RBMS3: variants seen among roughly 807,000 people sequenced by gnomAD.
RBMS3 encodes the protein RNA binding motif single stranded interacting protein 3, also known as RNA-binding motif, single-stranded-interacting protein 3.
A neutral mutation model predicts 66.8 loss-of-function variants in RBMS3; 27 were observed. The ratio of observed to expected loss-of-function variants is 0.40; its 90% CI spans 0.30 to 0.56. The LOEUF is 0.56. Among genes scored for constraint, RBMS3 ranks in the 20% least tolerant of loss-of-function variants. RBMS3 has a pLI of 0.40. For missense variants in RBMS3, 513 were observed against 549.5 expected (o/e 0.93, Z 0.66); for synonymous variants, 188 against 183.0 (o/e 1.03, Z -0.22).
Position 30,006,846 on chromosome 3 carries a change from T to C in RBMS3, c.*2984T>C, listed in dbSNP as rs2125410772. The C allele has an allele frequency of 6.6e-6, 1 of 152,154 alleles. No individual in the cohort carries two copies. The highest frequency in any genetic ancestry group is 2.4e-5 in the African/African-American group (1 of 41,560). The allele number at this position is 152,154 out of a possible 1,614,324, so 9.4% of individuals were successfully genotyped here. On this transcript the variant is annotated 3_prime_UTR_variant, in exon 15 of 15. Coordinates refer to ENST00000383767, the MANE Select transcript of RBMS3 (RefSeq NM_001003793.3). The stretch of plus-strand genomic sequence containing the variant: ...TAATGAATGTGCCTAGGTAACTTCC[T>C]GTTTCTATTCAAAACTGCTGCTTTA...
chr3:29,384,372 A>G (rs1251077285), intron 1 of RBMS3, among the ~76,000 whole-genome samples: 2 of 151,842 alleles, frequency 1.3e-5, no homozygotes, highest in African/African-American at 4.8e-5. Flanking sequence ...GAATCTGAAC[A>G]TGAAGATGGA....
At chr3:29,794,620 CATGAT>C (rs1299771633) in intron 6 of RBMS3, among the ~76,000 whole-genome samples, 3 of 152,034 alleles carry the variant, frequency 2.0e-5, no homozygotes, top group African/African-American at 7.2e-5. Flanking sequence ...AACAAAAACA[CATGAT>C]ATGGGCCTTG....
In RBMS3 at chr3:29,389,066, T is replaced by G. The variant is rs548707054; in HGVS notation, c.76-45677T>G. The stretch of plus-strand genomic sequence containing the variant: ...AATCCTTTTGGAGAATTATCCTACC[T>G]TAGGAAAAATAGTGAAGACATAACA... On this transcript the variant is annotated intron_variant, in intron 1 of 14. Coordinates refer to ENST00000383767, the MANE Select transcript of RBMS3 (RefSeq NM_001003793.3). Among the ~76,000 whole-genome samples the G allele has an allele frequency of 1.1e-4, 16 of 152,270 alleles. No individual in the cohort carries two copies. The South Asian group carries it at 2.3e-3, about 22-fold the overall frequency.
intron 12 of RBMS3, among the ~76,000 whole-genome samples, chr3:29,965,180 A>G (rs1696744130): frequency 6.6e-6 from 1 of 152,090 alleles, no homozygotes; most frequent in East Asian, 1.9e-4. Context: ...GCTATAAACA[A>G]GCATATGCAA....
intron 1 of RBMS3, among the ~76,000 whole-genome samples, chr3:29,366,158 G>C (rs970950757): frequency 6.6e-6 from 1 of 152,070 alleles, no homozygotes; most frequent in Non-Finnish European, 1.5e-5. Context: ...ACTAAAGTCA[G>C]GTTTATTTTT....
At chr3:29,484,904 A>T (rs2043265346) in intron 2 of RBMS3, among the ~76,000 whole-genome samples, 1 of 152,220 alleles carries the variant, frequency 6.6e-6, no homozygotes, top group Non-Finnish European at 1.5e-5. Flanking sequence ...AGGCATGTGA[A>T]AAATGAGTTA....
At chr3:29,602,325 C>T (rs1559501879) in intron 4 of RBMS3, among the ~76,000 whole-genome samples, 1 of 151,974 alleles carries the variant, frequency 6.6e-6, no homozygotes, top group South Asian at 2.1e-4. Flanking sequence ...TCTTGGCAAT[C>T]AAGGCTCTCA....
Position 29,853,423 on chromosome 3 carries a change from C to CTTTTTTTTTTT in RBMS3, c.638-15423_638-15413dup, listed in dbSNP as rs71091081. Among the ~76,000 whole-genome samples, 176 of 84,532 alleles carry CTTTTTTTTTTT rather than the reference C, an allele frequency of 2.1e-3. 14 individuals are homozygous for CTTTTTTTTTTT. The highest frequency in any genetic ancestry group is 6.0e-3 in the African/African-American group (111 of 18,414). 55.5% of individuals were successfully genotyped at this position (84,532 alleles called of 152,430 possible). A position where few individuals can be genotyped will look rare whatever the true frequency, so the allele number is the denominator to read the frequency against. On this transcript the variant is annotated intron_variant, in intron 6 of 14. Coordinates refer to ENST00000383767, the MANE Select transcript of RBMS3 (RefSeq NM_001003793.3). ...TGTATCTTAAGCTACAATTTACTTT[C>CTTTTTTTTTTT]TTTTTTTTTTTTTTTTTTTTTTGCA...
At chr3:29,890,013 G>A (rs578120646) in intron 8 of RBMS3, among the ~76,000 whole-genome samples, 1 of 151,574 alleles carries the variant, frequency 6.6e-6, no homozygotes, top group African/African-American at 2.4e-5. Flanking sequence ...TGGAAGGCTT[G>A]GACTATGCAT....
intron 4 of RBMS3, among the ~76,000 whole-genome samples, chr3:29,708,198 C>A (rs114608072): frequency 0.02 from 3,059 of 152,252 alleles, 101 homozygotes; most frequent in African/African-American, 0.069. Context: ...TCCAAAGCAA[C>A]CTTGCTTTAG....
At chr3:29,609,880 CAG>C (rs1351470942) in intron 4 of RBMS3, among the ~76,000 whole-genome samples, 2 of 151,966 alleles carry the variant, frequency 1.3e-5, no homozygotes, top group African/African-American at 4.8e-5. Flanking sequence ...AAAAGGGAAA[CAG>C]ATTATTATTG....
intron 1 of RBMS3, among the ~76,000 whole-genome samples, chr3:29,393,724 AAGAG>A (rs1225601017): frequency 6.6e-6 from 1 of 152,140 alleles, no homozygotes; most frequent in African/African-American, 2.4e-5. Context: ...AAAGAGTACA[AAGAG>A]AGAAATTTTA....
At chr3:29,458,292 GC>G (rs879072831) in intron 2 of RBMS3, among the ~76,000 whole-genome samples, 1 of 152,118 alleles carries the variant, frequency 6.6e-6, no homozygotes, top group Admixed American at 6.5e-5. Context: ...TAGATATATA[GC>G]CAGAGATGCA....
intron 4 of RBMS3, among the ~76,000 whole-genome samples, chr3:29,636,042 G>A (rs1406253027): frequency 8.0e-6 from 1 of 124,654 alleles, no homozygotes; most frequent in Non-Finnish European, 1.7e-5. Context: ...TCAAGAATGT[G>A]TGTGTGTGTG....
intron 6 of RBMS3, among the ~76,000 whole-genome samples, chr3:29,774,174 G>A (rs1192118095): frequency 6.6e-6 from 1 of 151,896 alleles, no homozygotes; most frequent in Non-Finnish European, 1.5e-5. Context: ...ATAGATTGAG[G>A]GAGGTTTCAA....
chr3:29,375,497 A>G (rs2038418503), intron 1 of RBMS3, among the ~76,000 whole-genome samples: 1 of 152,222 alleles, frequency 6.6e-6, no homozygotes, highest in African/African-American at 2.4e-5. Context: ...GAACTTAAAC[A>G]AATTTCCAAG....
At chr3:29,399,655 G>C (rs1575711718) in intron 1 of RBMS3, among the ~76,000 whole-genome samples, 1 of 152,004 alleles carries the variant, frequency 6.6e-6, no homozygotes, top group Admixed American at 6.6e-5. Context: ...AAGCCAAAGG[G>C]GAACAAAAGC....
chr3:29,342,712 T>C (rs939133854), intron 1 of RBMS3, among the ~76,000 whole-genome samples: 2 of 152,144 alleles, frequency 1.3e-5, no homozygotes. Context: ...ATCAATTATA[T>C]AGTCAGGTAA....
At chr3:29,745,289 A>T (rs999711702) in intron 5 of RBMS3, among the ~76,000 whole-genome samples, 43 of 151,970 alleles carry the variant, frequency 2.8e-4, no homozygotes, top group African/African-American at 9.4e-4. Flanking sequence ...ATTTTGTAAG[A>T]TCCACCCCCC....
Sources: gnomAD v4.1 joint callset for allele counts (sites outside exome capture counted in the v4.1 genomes callset) on GRCh38, gnomAD v4.1.1 for gene constraint, MANE v1.5 for transcripts, NCBI Gene and HGNC (gene_info 2026-07-23, HGNC 2026-07-21) for gene names.